CSGALNACT1: variants seen among roughly 807,000 people sequenced by gnomAD.
CSGALNACT1 encodes the protein chondroitin sulfate N-acetylgalactosaminyltransferase 1.
In CSGALNACT1, 52 loss-of-function variants were observed where a neutral mutation model predicts 51.0. The ratio of observed to expected loss-of-function variants is 1.02; its 90% confidence interval spans 0.82 to 1.29. The LOEUF (loss-of-function observed/expected upper bound fraction) is 1.29, where lower values mean the gene tolerates loss of function less well. Ranked by LOEUF, CSGALNACT1 falls within the 50% of genes most tolerant of loss-of-function variation. The pLI is 0.00. For missense variants in CSGALNACT1, 935 were observed against 679.2 expected, an observed-to-expected ratio of 1.38 and a Z score of -4.19; for synonymous variants, 341 against 254.4, an observed-to-expected ratio of 1.34 and a Z score of -3.24.
At chr8:19,408,559 G>T in intron 9 of CSGALNACT1, 54 bp downstream of exon 8, 1 of 1,375,520 alleles carries the variant, frequency 7.3e-7, no homozygotes, top group Non-Finnish European at 1.0e-6. Context: ...TTCCTTCAAG[G>T]CCTACATGGG....
intron 1 of CSGALNACT1, among the ~76,000 whole-genome samples, chr8:19,632,768 TTTTA>T (rs1172240108): frequency 6.6e-6 from 1 of 152,100 alleles, no homozygotes; most frequent in Admixed American, 6.5e-5. Context: ...AGTCTTTTAC[TTTTA>T]TTTGACACAA....
chr8:19,420,601 C>A, intron 6 of CSGALNACT1, 83 bp from the exon 6 acceptor site: 2 of 1,408,124 alleles, frequency 1.4e-6, no homozygotes, highest in Non-Finnish European at 2.0e-6. Flanking sequence ...CAGGGCCCAT[C>A]CACATCTTGA....
chr8:19,514,039 G>T (rs148660342), intron 3 of CSGALNACT1, among the ~76,000 whole-genome samples: 266 of 152,202 alleles, frequency 1.7e-3, no homozygotes, highest in African/African-American at 5.8e-3. Context: ...TGGAATGCAG[G>T]TTTCTTTTTT....
At chr8:19,490,384 G>A (rs1465755658) in intron 4 of CSGALNACT1, among the ~76,000 whole-genome samples, 1 of 152,106 alleles carries the variant, frequency 6.6e-6, no homozygotes, top group African/African-American at 2.4e-5. Flanking sequence ...TTTCATCAAG[G>A]GAAGGAAGAA....
rs537445896 is a variant in CSGALNACT1 at position 19,542,017 on chromosome 8, C to T, written c.-296-35887G>A. Among the ~76,000 whole-genome samples the T allele has an allele frequency of 6.6e-5, 10 of 152,212 alleles. No homozygotes were observed. The East Asian group carries it at 1.9e-3, about 29-fold the overall frequency. On this transcript the variant is annotated intron_variant, in intron 3 of 9. Transcript: ENST00000454498. ...TGTGTTTACACAAAAGAAGAGAAAA[C>T]TTTGGCATGGATAGATCTTATGATA...
intron 3 of CSGALNACT1, among the ~76,000 whole-genome samples, chr8:19,514,092 T>C (rs529156741): frequency 6.6e-6 from 1 of 152,242 alleles, no homozygotes; most frequent in Admixed American, 6.5e-5. Flanking sequence ...GCCAAGTGCT[T>C]TATCTTCTGC....
intron 6 of CSGALNACT1, among the ~76,000 whole-genome samples, chr8:19,425,781 C>G (rs960159808): frequency 6.6e-6 from 1 of 152,198 alleles, no homozygotes; most frequent in Non-Finnish European, 1.5e-5. Flanking sequence ...AGACGACTCA[C>G]CAAGGTGTGG....
upstream of CSGALNACT1, among the ~76,000 whole-genome samples, chr8:19,685,896 G>A (rs892186549): frequency 2.0e-5 from 3 of 152,126 alleles, no homozygotes; most frequent in East Asian, 5.8e-4. Flanking sequence ...TACAACCTCA[G>A]GCAAATGACT....
intron 1 of CSGALNACT1, among the ~76,000 whole-genome samples, chr8:19,636,460 T>C (rs1191874412): frequency 6.6e-6 from 1 of 152,092 alleles, no homozygotes; most frequent in African/African-American, 2.4e-5. Flanking sequence ...CAAGAGAAAA[T>C]AGTACCCCTA....
intron 3 of CSGALNACT1, among the ~76,000 whole-genome samples, chr8:19,534,275 C>A (rs12114584): frequency 3.3e-5 from 5 of 151,832 alleles, no homozygotes; most frequent in African/African-American, 1.2e-4. Flanking sequence ...AACACTGTGA[C>A]ACCTCATCTC....
At chr8:19,449,537 CTACACT>C (rs2062722791) in intron 5 of CSGALNACT1, among the ~76,000 whole-genome samples, 1 of 152,152 alleles carries the variant, frequency 6.6e-6, no homozygotes, top group Non-Finnish European at 1.5e-5. Context: ...TTCCGAGACT[CTACACT>C]TACTGCTTTA....
chr8:19,572,431 C>T (rs2043229509), intron 3 of CSGALNACT1, among the ~76,000 whole-genome samples: 1 of 152,076 alleles, frequency 6.6e-6, no homozygotes, highest in Admixed American at 6.6e-5. Flanking sequence ...CATGAGAAAT[C>T]AAGAAAGCAA....
chr8:19,404,762 G>C (rs1311219684), exon 10 of CSGALNACT1: 2 of 454,450 alleles, frequency 4.4e-6, no homozygotes, highest in Middle Eastern at 6.8e-4. Flanking sequence ...AGGAGAAAAT[G>C]TGGTTTCTGA....
chr8:19,511,553 C>G (rs1486234105), intron 3 of CSGALNACT1, among the ~76,000 whole-genome samples: 1 of 152,182 alleles, frequency 6.6e-6, no homozygotes, highest in Admixed American at 6.5e-5. Context: ...GAACATATGG[C>G]TTCATTTAGA....
intron 3 of CSGALNACT1, among the ~76,000 whole-genome samples, chr8:19,580,412 TA>T (rs2045307984): frequency 6.6e-6 from 1 of 152,206 alleles, no homozygotes; most frequent in Non-Finnish European, 1.5e-5. Context: ...AGAGTCCTGG[TA>T]AATACTTCAG....
At chr8:19,415,630 G>C (rs1563284124) in intron 8 of CSGALNACT1, among the ~76,000 whole-genome samples, 1 of 152,118 alleles carries the variant, frequency 6.6e-6, no homozygotes, top group Non-Finnish European at 1.5e-5. Context: ...ATAATACAAA[G>C]AAAAATCTTT....
intron 3 of CSGALNACT1, among the ~76,000 whole-genome samples, chr8:19,529,440 AC>A (rs1247939496): frequency 6.6e-6 from 1 of 152,154 alleles, no homozygotes. Flanking sequence ...CTGGTGGCAA[AC>A]AAGTAGGAGC....
chr8:19,582,407 C>G (rs2045771894), intron 3 of CSGALNACT1, among the ~76,000 whole-genome samples: 1 of 152,132 alleles, frequency 6.6e-6, no homozygotes, highest in Non-Finnish European at 1.5e-5. Context: ...ACCTTTATTG[C>G]TTATTTCCCC....
chr8:19,425,306 G>A (rs2058605741), intron 6 of CSGALNACT1, among the ~76,000 whole-genome samples: 1 of 152,128 alleles, frequency 6.6e-6, no homozygotes, highest in Non-Finnish European at 1.5e-5. Flanking sequence ...GTGCCATTGT[G>A]CTCTAACTTG....
Sources: gnomAD v4.1 joint callset for allele counts (sites outside exome capture counted in the v4.1 genomes callset) on GRCh38, gnomAD v4.1.1 for gene constraint, MANE v1.5 for transcripts, NCBI Gene and HGNC (gene_info 2026-07-23, HGNC 2026-07-21) for gene names.